Variants in TXNRD1 observed in about 807,000 individuals in gnomAD.
The protein encoded by TXNRD1 is thioredoxin reductase 1, cytoplasmic.
In TXNRD1, 57 loss-of-function variants were observed where a neutral mutation model predicts 80.3. That is an observed-to-expected ratio of 0.71 (90% confidence interval 0.57 to 0.89). The LOEUF (loss-of-function observed/expected upper bound fraction) is 0.89, where lower values mean the gene tolerates loss of function less well. Ranked by LOEUF, TXNRD1 falls within the 40% of genes least tolerant of loss-of-function variation. TXNRD1 has a pLI of 0.00. For missense variants in TXNRD1, 730 were observed against 803.0 expected (o/e 0.91, Z 1.10); for synonymous variants, 291 against 285.2 (o/e 1.02, Z -0.20).
intron 1 of TXNRD1, among the ~76,000 whole-genome samples, chr12:104,239,460 A>C (rs1201660882): frequency 1.3e-5 from 2 of 152,194 alleles, no homozygotes; most frequent in South Asian, 4.2e-4. Context: ...CTCACGAAGT[A>C]CTGGGATTAC....
intron 10 of TXNRD1, among the ~76,000 whole-genome samples, chr12:104,322,983 A>C (rs549672890): frequency 7.5e-6 from 1 of 133,906 alleles, no homozygotes; most frequent in East Asian, 2.1e-4. Context: ...TGATTACTTG[A>C]GATTAGGGAG....
chr12:104,347,302 C>G (rs1393727944), intron 16 of TXNRD1, among the ~76,000 whole-genome samples: 1 of 152,102 alleles, frequency 6.6e-6, no homozygotes, highest in Non-Finnish European at 1.5e-5. Context: ...TTGTCACCCT[C>G]TGAGGCTAAA....
intron 4 of TXNRD1, among the ~76,000 whole-genome samples, chr12:104,307,105 G>T (rs898284847): frequency 6.6e-6 from 1 of 152,124 alleles, no homozygotes; most frequent in Non-Finnish European, 1.5e-5. Context: ...ACACCAACCA[G>T]TAAAATGATG....
chr12:104,314,240 A>C (rs148009562), intron 6 of TXNRD1, among the ~76,000 whole-genome samples: 2 of 152,310 alleles, frequency 1.3e-5, no homozygotes, highest in Non-Finnish European at 2.9e-5. Context: ...AATTGGACTA[A>C]TCAGAGCATA....
At chr12:104,313,422 T>A in intron 6 of TXNRD1, 105 bp downstream of exon 6, 1 of 867,042 alleles carries the variant, frequency 1.2e-6, no homozygotes, top group Non-Finnish European at 1.7e-6. Context: ...AAAACTAAGT[T>A]AAAGAAAAAA....
intron 4 of TXNRD1, among the ~76,000 whole-genome samples, chr12:104,305,787 C>T (rs1172852408): frequency 1.3e-5 from 2 of 152,232 alleles, no homozygotes; most frequent in East Asian, 3.8e-4. Context: ...TGAATTTCTT[C>T]TCTGGCCCCT....
intron 4 of TXNRD1, chr12:104,303,802 A>T: frequency 7.3e-7 from 1 of 1,365,688 alleles, no homozygotes; most frequent in Non-Finnish European, 9.6e-7. Flanking sequence ...CCGTTACCTC[A>T]GAGATACCCG....
At chr12:104,332,894 C>T (rs2036007671) in intron 14 of TXNRD1, among the ~76,000 whole-genome samples, 1 of 150,660 alleles carries the variant, frequency 6.6e-6, no homozygotes, top group East Asian at 1.9e-4. Context: ...TTCTTTTTCT[C>T]TAAATATTTT....
chr12:104,331,490 T>G, intron 13 of TXNRD1, 44 bp from the exon 14 acceptor site: 4 of 1,310,552 alleles, frequency 3.1e-6, no homozygotes, highest in Non-Finnish European at 4.3e-6. Flanking sequence ...TTTTTTAAGT[T>G]ATAACTTTGC....
intron 3 of TXNRD1, among the ~76,000 whole-genome samples, chr12:104,275,028 T>C (rs1255286737): frequency 6.6e-6 from 1 of 152,226 alleles, no homozygotes; most frequent in Non-Finnish European, 1.5e-5. Flanking sequence ...ATATTACGCA[T>C]GTGTGTACAT....
intron 5 of TXNRD1, among the ~76,000 whole-genome samples, chr12:104,311,989 T>A (rs10861194): frequency 0.49 from 73,528 of 150,742 alleles, 18,314 homozygotes; most frequent in East Asian, 0.62. Context: ...CTTTAAAAAA[T>A]ATATATATAT....
intron 4 of TXNRD1, chr12:104,291,091 C>A: frequency 1.5e-6 from 1 of 667,116 alleles, no homozygotes. Flanking sequence ...CTGCAGGTCA[C>A]GACATTTAGT....
intron 1 of TXNRD1, among the ~76,000 whole-genome samples, chr12:104,227,306 G>T (rs149697612): frequency 6.6e-6 from 1 of 151,764 alleles, no homozygotes; most frequent in African/African-American, 2.4e-5. Flanking sequence ...CTGTCACCCA[G>T]GCTCAAGTGC....
At chr12:104,312,924 C>CT (rs1285559508) in intron 5 of TXNRD1, among the ~76,000 whole-genome samples, 1 of 149,956 alleles carries the variant, frequency 6.7e-6, no homozygotes, top group African/African-American at 2.4e-5. Context: ...GAAATGGCCA[C>CT]TTTCTTTTTT....
intron 10 of TXNRD1, among the ~76,000 whole-genome samples, chr12:104,321,965 T>TA (rs2035546515): frequency 6.6e-6 from 1 of 152,142 alleles, no homozygotes; most frequent in African/African-American, 2.4e-5. Context: ...ATGGTGGGAC[T>TA]ATTTTGTTAA....
intron 1 of TXNRD1, among the ~76,000 whole-genome samples, chr12:104,226,860 T>G (rs4129598): frequency 6.6e-6 from 1 of 152,146 alleles, no homozygotes; most frequent in African/African-American, 2.4e-5. Context: ...TTATCTAAGA[T>G]GTGTCTTTTT....
intron 5 of TXNRD1, among the ~76,000 whole-genome samples, chr12:104,311,727 TC>T (rs762309085): frequency 6.6e-6 from 1 of 152,222 alleles, no homozygotes; most frequent in East Asian, 1.9e-4. Context: ...ACGCCTGTAA[TC>T]CCAGCACTTT....
chr12:104,288,418 T>G (rs564510899), intron 3 of TXNRD1, among the ~76,000 whole-genome samples: 2 of 152,354 alleles, frequency 1.3e-5, no homozygotes, highest in South Asian at 4.1e-4. Context: ...AGGATTCTTT[T>G]TAAGAATGCA....
intron 3 of TXNRD1, among the ~76,000 whole-genome samples, chr12:104,260,671 T>C (rs1167514378): frequency 6.6e-6 from 1 of 152,152 alleles, no homozygotes; most frequent in East Asian, 1.9e-4. Context: ...AAATACTCCA[T>C]AGTATGAAAG....
Sources: allele counts gnomAD v4.1 joint callset (sites outside exome capture counted in the v4.1 genomes callset), GRCh38; gene constraint gnomAD v4.1.1; transcripts MANE v1.5; gene names NCBI Gene and HGNC (gene_info 2026-07-23, HGNC 2026-07-21).